The following ARSB variants were observed in gnomAD, a reference collection of about 807,000 sequenced individuals.
The protein encoded by ARSB is N-acetylgalactosamine-4-sulfatase.
ARSB carries 41 observed loss-of-function variants against 50.9 expected under a neutral mutation model. The ratio of observed to expected loss-of-function variants is 0.81; its 90% confidence interval spans 0.63 to 1.04. ARSB has a LOEUF of 1.04. Among genes scored for constraint, ARSB ranks in the 50% least tolerant of loss-of-function variants. The probability of loss-of-function intolerance (pLI) is 0.00; values close to 1 mark genes in which losing one functional copy is unlikely to be tolerated. For missense variants in ARSB, 672 were observed against 693.3 expected (o/e 0.97, Z 0.35); for synonymous variants, 269 against 284.8 (o/e 0.94, Z 0.56).
chr5:78,807,000 G>T (rs1294530225), intron 6 of ARSB, among the ~76,000 whole-genome samples: 1 of 152,186 alleles, frequency 6.6e-6, no homozygotes, highest in African/African-American at 2.4e-5. Flanking sequence ...CCATATCTGT[G>T]GTCTGCACTG....
intron 4 of ARSB, among the ~76,000 whole-genome samples, chr5:78,888,567 A>G (rs554643924): frequency 1.3e-5 from 2 of 152,290 alleles, no homozygotes; most frequent in African/African-American, 4.8e-5. Flanking sequence ...CACTTCTCTG[A>G]GGTATTATGT....
chr5:78,842,736 C>T (rs1391176110), intron 5 of ARSB, among the ~76,000 whole-genome samples: 1 of 151,518 alleles, frequency 6.6e-6, no homozygotes, highest in Admixed American at 6.6e-5. Context: ...AAGGAAAATG[C>T]CTGGTGTGTG....
At chr5:78,936,508 G>A (rs1750609075) in intron 4 of ARSB, among the ~76,000 whole-genome samples, 1 of 151,484 alleles carries the variant, frequency 6.6e-6, no homozygotes, top group Non-Finnish European at 1.5e-5. Flanking sequence ...GGGTGGGGAA[G>A]GGATAGGTGT....
At chr5:78,881,792 C>T (rs1280211428) in intron 5 of ARSB, among the ~76,000 whole-genome samples, 1 of 152,202 alleles carries the variant, frequency 6.6e-6, no homozygotes, top group Admixed American at 6.5e-5. Context: ...CATGTAGGGG[C>T]CACCCTTGGC....
At chr5:78,869,939 A>C (rs1380709021) in intron 5 of ARSB, among the ~76,000 whole-genome samples, 1 of 151,708 alleles carries the variant, frequency 6.6e-6, no homozygotes, top group Non-Finnish European at 1.5e-5. Flanking sequence ...AGAAGAAAAG[A>C]GAGAAGAATC....
chr5:78,867,334 C>T (rs1746822153), intron 5 of ARSB, among the ~76,000 whole-genome samples: 1 of 151,804 alleles, frequency 6.6e-6, no homozygotes, highest in South Asian at 2.1e-4. Flanking sequence ...AGGAGGCCTG[C>T]CTGCCTCTGT....
At chr5:78,971,892 T>C (rs1221452850) in intron 1 of ARSB, among the ~76,000 whole-genome samples, 1 of 152,252 alleles carries the variant, frequency 6.6e-6, no homozygotes, top group Non-Finnish European at 1.5e-5. Context: ...GTCAATCATA[T>C]CTCAATAAAA....
At chr5:78,848,356 T>TGAG (rs36181206) in intron 5 of ARSB, among the ~76,000 whole-genome samples, 1 of 125,686 alleles carries the variant, frequency 8.0e-6, no homozygotes, top group East Asian at 2.1e-4. Context: ...CTGAGAATGA[T>TGAG]TTCCAATTTC....
At chr5:78,977,532 T>G (rs1580157699) in intron 1 of ARSB, among the ~76,000 whole-genome samples, 1 of 152,126 alleles carries the variant, frequency 6.6e-6, no homozygotes, top group East Asian at 1.9e-4. Flanking sequence ...CACCAAGAGA[T>G]TCCCAGAGTA....
chr5:78,806,565 C>T (rs937991800), intron 6 of ARSB, among the ~76,000 whole-genome samples: 2 of 152,196 alleles, frequency 1.3e-5, no homozygotes, highest in Non-Finnish European at 2.9e-5. Context: ...GCAGCCACAT[C>T]ACACTGTTGC....
chr5:78,838,312 A>G (rs891822066), intron 6 of ARSB, among the ~76,000 whole-genome samples: 2 of 152,174 alleles, frequency 1.3e-5, no homozygotes, highest in Non-Finnish European at 2.9e-5. Flanking sequence ...TTTCAGGCAT[A>G]GGGAAAAGCA....
intron 4 of ARSB, among the ~76,000 whole-genome samples, chr5:78,900,968 C>T (rs1398115223): frequency 3.4e-5 from 5 of 149,112 alleles, no homozygotes; most frequent in Non-Finnish European, 7.4e-5. Flanking sequence ...GAACCCGGGA[C>T]CTGGGAGGCA....
chr5:78,839,285 A>G, intron 6 of ARSB, 71 bp downstream of exon 6: 1 of 1,413,224 alleles, frequency 7.1e-7, no homozygotes, highest in South Asian at 1.2e-5. Flanking sequence ...TAGGCTAGAG[A>G]CACACTAGGT....
At chr5:78,886,788 A>T (rs755178349) in intron 4 of ARSB, among the ~76,000 whole-genome samples, 9 of 152,162 alleles carry the variant, frequency 5.9e-5, no homozygotes, top group African/African-American at 9.7e-5. Flanking sequence ...ACCCACTATT[A>T]CCCAAATGAG....
At position 78,984,944 on chromosome 5, in the gene ARSB, C is replaced by T. The variant is rs759356342; in HGVS notation, c.305G>A (p.Arg102His). Residue 102 changes from arginine (R) to histidine (H), a missense_variant, in exon 1 of 8, where the codon CGC becomes CAC. Arg to His is a conservative substitution (Grantham distance 29). Transcript: ENST00000264914. ...TPSRSQLLTGRYQIRTGLQHQ... is the reference protein window; with the variant it reads ...TPSRSQLLTGHYQIRTGLQHQ... Reference sequence around the variant, plus strand: ...GGCGGGGGCGCCGCGTACCTGGTAGCGGCCAGTGAGCAGCTGGCTCCGCGA... The same window carrying T: ...GGCGGGGGCGCCGCGTACCTGGTAGTGGCCAGTGAGCAGCTGGCTCCGCGA... The T allele has an allele frequency of 3.2e-5, 45 of 1,424,040 alleles. No individual in the cohort carries two copies. Among genetic ancestry groups the T allele is most frequent in the Non-Finnish European group, 3.7e-5 (40 of 1,085,302 alleles). 88.2% of individuals were successfully genotyped at this position (1,424,040 alleles called of 1,614,324 possible). A position where few individuals can be genotyped will look rare whatever the true frequency, so the allele number is the denominator to read the frequency against.
chr5:78,794,016 G>A (rs889200404), intron 6 of ARSB, among the ~76,000 whole-genome samples: 2 of 152,114 alleles, frequency 1.3e-5, no homozygotes, highest in African/African-American at 4.8e-5. Context: ...TGTAGAGCCC[G>A]TACATTTAGG....
chr5:78,908,593 G>A (rs1275575165), intron 4 of ARSB, among the ~76,000 whole-genome samples: 1 of 152,100 alleles, frequency 6.6e-6, no homozygotes, highest in East Asian at 1.9e-4. Flanking sequence ...TGAAAACAAG[G>A]GATTAGAGAG....
chr5:78,927,404 T>C (rs1316501989), intron 4 of ARSB, among the ~76,000 whole-genome samples: 2 of 152,170 alleles, frequency 1.3e-5, no homozygotes, highest in Non-Finnish European at 2.9e-5. Flanking sequence ...CCCAGGCCCT[T>C]TTCTCCCCTG....
intron 5 of ARSB, among the ~76,000 whole-genome samples, chr5:78,848,504 G>T (rs1341586800): frequency 6.6e-6 from 1 of 151,264 alleles, no homozygotes; most frequent in Non-Finnish European, 1.5e-5. Context: ...TTGCTATTGT[G>T]AATAGTGCCG....
Sources: allele counts gnomAD v4.1 joint callset (sites outside exome capture counted in the v4.1 genomes callset), GRCh38; gene constraint gnomAD v4.1.1; transcripts MANE v1.5; gene names NCBI Gene and HGNC (gene_info 2026-07-23, HGNC 2026-07-21).